LRRFIP2: variants seen among roughly 807,000 people sequenced by gnomAD.
The protein encoded by LRRFIP2 is leucine-rich repeat flightless-interacting protein 2.
In LRRFIP2, 109 loss-of-function variants were observed where a neutral mutation model predicts 125.9. That is an observed-to-expected ratio of 0.87 (90% CI 0.74 to 1.01). The LOEUF (loss-of-function observed/expected upper bound fraction) is 1.01, where lower values mean the gene tolerates loss of function less well. Among genes scored for constraint, LRRFIP2 ranks in the 50% least tolerant of loss-of-function variants. The pLI, the probability that LRRFIP2 is intolerant of heterozygous loss-of-function variation, is 0.00. For missense variants in LRRFIP2, 850 were observed against 862.3 expected, an observed-to-expected ratio of 0.99 and a Z score of 0.18; for synonymous variants, 291 against 293.1, an observed-to-expected ratio of 0.99 and a Z score of 0.07.
chr3:37,055,444 T>C (rs2086548047), intron 25 of LRRFIP2, among the ~76,000 whole-genome samples: 1 of 152,108 alleles, frequency 6.6e-6, no homozygotes, highest in African/African-American at 2.4e-5. Flanking sequence ...CACAGGCCTG[T>C]AGTCCCAGCT....
In LRRFIP2 at chr3:37,096,611, C is replaced by T; in HGVS notation, c.918+5G>A. ...AGAATTTCCCTTAGGAATTTACATA[C>T]TCACTCTTGTATAATTTTCAGCATA... is the stretch of plus-strand genomic sequence containing the variant. On this transcript the variant is annotated splice_donor_5th_base_variant and intron_variant, in intron 16 of 27. Coordinates refer to ENST00000336686, the MANE Select transcript of LRRFIP2 (RefSeq NM_006309.4). 1 of 1,533,540 alleles carries T rather than the reference C, an allele frequency of 6.5e-7. No individual in the cohort carries two copies. Among genetic ancestry groups the T allele is most frequent in the Non-Finnish European group, 9.0e-7 (1 of 1,117,208 alleles). The allele number at this position is 1,533,540 out of a possible 1,614,324, so 95.0% of individuals were successfully genotyped here. A position where few individuals can be genotyped will look rare whatever the true frequency, so the allele number is the denominator to read the frequency against.
Position 37,103,025 on chromosome 3 carries a change from A to G in LRRFIP2, c.784-12T>C, listed in dbSNP as rs747264845. Reference sequence around the variant, plus strand: ...TCAGCGGCAGATACCTTTCGGTCAGAAAAAAAACAAGATGCTTTCAAGGTT... The same window carrying G: ...TCAGCGGCAGATACCTTTCGGTCAGGAAAAAAACAAGATGCTTTCAAGGTT... On this transcript the variant is annotated splice_polypyrimidine_tract_variant and intron_variant, in intron 14 of 27. Coordinates refer to ENST00000336686, the MANE Select transcript of LRRFIP2 (RefSeq NM_006309.4). The G allele has an allele frequency of 2.1e-5, 33 of 1,539,820 alleles. No individual in the cohort carries two copies. The highest frequency in any genetic ancestry group is 1.7e-4 in the Middle Eastern group (1 of 5,988).
rs199704335 is a variant in LRRFIP2, at chr3:37,102,982, T to C, written c.815A>G (p.Asn272Ser). 3.1e-5 allele frequency: 49 copies of C among 1,565,962 alleles called. No individual in the cohort carries two copies. The highest frequency in any genetic ancestry group is 4.1e-5 in the African/African-American group (3 of 73,900). ...CTCAGAGACAACACTTCCCCTACGATTGGAGCGACTGAAATAATCAGCGGC... is the reference window on the plus strand; with the variant it reads ...CTCAGAGACAACACTTCCCCTACGACTGGAGCGACTGAAATAATCAGCGGC... ...VSAADYFSRSNRRGSVVSEVD... is the reference protein window; with the variant it reads ...VSAADYFSRSSRRGSVVSEVD... The change falls in exon 15 of 28, where the codon AAT (asparagine) becomes AGT (serine). Residue 272 changes from asparagine (N) to serine (S), a missense_variant. Coordinates refer to ENST00000336686, the MANE Select transcript of LRRFIP2 (RefSeq NM_006309.4).
Position 37,156,402 on chromosome 3 carries a change from G to A in LRRFIP2, c.-55-7364C>T, listed in dbSNP as rs146071804. ...AATGTGGATGACTAGGGCCAGGCAC[G>A]GTGGCTCATGCCTGTAATCCCAGCA... On this transcript the variant is annotated intron_variant, in intron 1 of 27. Coordinates refer to ENST00000336686, the MANE Select transcript of LRRFIP2 (RefSeq NM_006309.4). 1.5e-3 allele frequency among the ~76,000 whole-genome samples: 232 copies of A among 151,862 alleles called. 1 individual carries two copies. Among genetic ancestry groups the A allele is most frequent in the Admixed American group, 2.7e-3 (41 of 15,242 alleles).
At chr3:37,162,754 T>C (rs1244842868) in intron 1 of LRRFIP2, among the ~76,000 whole-genome samples, 1 of 152,152 alleles carries the variant, frequency 6.6e-6, no homozygotes, top group Non-Finnish European at 1.5e-5. Flanking sequence ...TGGAGCAATA[T>C]GACTCAAGAG....
At chr3:37,134,780 T>C in intron 2 of LRRFIP2, 1 of 799,340 alleles carries the variant, frequency 1.3e-6, no homozygotes, top group Non-Finnish European at 2.2e-6. Flanking sequence ...TGGGACCTAA[T>C]GACAGCCCAT....
intron 24 of LRRFIP2, among the ~76,000 whole-genome samples, chr3:37,059,385 G>C (rs1366585160): frequency 6.6e-6 from 1 of 152,180 alleles, no homozygotes; most frequent in Non-Finnish European, 1.5e-5. Context: ...TTAACTGATA[G>C]GGTATATTCA....
chr3:37,111,840 C>A (rs1576785887), intron 8 of LRRFIP2: 1 of 152,884 alleles, frequency 6.5e-6, no homozygotes, highest in Non-Finnish European at 1.5e-5. Context: ...CCCCAGAGAT[C>A]CCAAGACCCT....
chr3:37,157,379 G>GATGC (rs1252819663), intron 1 of LRRFIP2, among the ~76,000 whole-genome samples: 4 of 152,070 alleles, frequency 2.6e-5, no homozygotes, highest in Admixed American at 6.5e-5. Context: ...GGAGGTAGAG[G>GATGC]ATGCAGTATG....
At chr3:37,151,335 G>A (rs2096017121) in intron 1 of LRRFIP2, among the ~76,000 whole-genome samples, 1 of 151,706 alleles carries the variant, frequency 6.6e-6, no homozygotes, top group African/African-American at 2.4e-5. Flanking sequence ...CTCCAACCTG[G>A]GCAACAGAGC....
chr3:37,160,994 G>T (rs542083185), intron 1 of LRRFIP2, among the ~76,000 whole-genome samples: 40 of 152,098 alleles, frequency 2.6e-4, no homozygotes, highest in Middle Eastern at 3.4e-3. Context: ...ATCAGCTGAT[G>T]AATGGATAAG....
chr3:37,100,692 T>G (rs1433736869), intron 15 of LRRFIP2, among the ~76,000 whole-genome samples: 1 of 152,130 alleles, frequency 6.6e-6, no homozygotes, highest in African/African-American at 2.4e-5. Flanking sequence ...ATTCAGATAT[T>G]ATAAATTAAG....
intron 23 of LRRFIP2, 36 bp from the exon 24 acceptor site, chr3:37,063,827 T>A: frequency 6.7e-7 from 1 of 1,497,636 alleles, no homozygotes; most frequent in Non-Finnish European, 9.3e-7. Context: ...ACTAAATATG[T>A]GATGATATAG....
At chr3:37,080,187 G>A (rs1263626865) in intron 19 of LRRFIP2, among the ~76,000 whole-genome samples, 2 of 151,918 alleles carry the variant, frequency 1.3e-5, no homozygotes, top group African/African-American at 2.4e-5. Context: ...ATCACCTGAG[G>A]TCAGTTCGGG....
chr3:37,136,304 T>C (rs1243937939), intron 2 of LRRFIP2, among the ~76,000 whole-genome samples: 1 of 152,216 alleles, frequency 6.6e-6, no homozygotes, highest in Non-Finnish European at 1.5e-5. Flanking sequence ...GAGGAGTGAC[T>C]GCTAAGTGGT....
At chr3:37,167,374 G>T (rs1458211560) in intron 1 of LRRFIP2, among the ~76,000 whole-genome samples, 1 of 152,042 alleles carries the variant, frequency 6.6e-6, no homozygotes, top group African/African-American at 2.4e-5. Context: ...GGCACAAGCA[G>T]GCCGGGTGCA....
At chr3:37,113,061 T>C (rs2094609365) in intron 7 of LRRFIP2, 81 bp from the exon 8 acceptor site, 2 of 773,010 alleles carry the variant, frequency 2.6e-6, no homozygotes, top group Non-Finnish European at 4.4e-6. Context: ...TCAAATTATA[T>C]ACACAAAGGT....
At chr3:37,063,151 G>C (rs1406815664) in intron 24 of LRRFIP2, among the ~76,000 whole-genome samples, 5 of 152,168 alleles carry the variant, frequency 3.3e-5, no homozygotes, top group Non-Finnish European at 5.9e-5. Context: ...ATTAACTTTA[G>C]AGGAAACTAA....
intron 15 of LRRFIP2, 107 bp downstream of exon 15, chr3:37,102,817 T>TA: frequency 1.3e-6 from 1 of 780,372 alleles, no homozygotes; most frequent in South Asian, 1.9e-5. Flanking sequence ...AAATATTTCT[T>TA]AAGACAATAA....
Sources: allele counts gnomAD v4.1 joint callset (sites outside exome capture counted in the v4.1 genomes callset), GRCh38; gene constraint gnomAD v4.1.1; transcripts MANE v1.5; gene names NCBI Gene and HGNC (gene_info 2026-07-23, HGNC 2026-07-21).